The following SCD5 variants were observed in gnomAD, a reference collection of about 807,000 sequenced individuals.
SCD5 encodes stearoyl-CoA desaturase 5, also known as acyl-CoA-desaturase 4.
SCD5 carries 20 observed loss-of-function variants against 30.4 expected under a neutral mutation model. The ratio of observed to expected loss-of-function variants is 0.66; its 90% CI spans 0.46 to 0.96. The LOEUF is 0.96. Among genes scored for constraint, SCD5 ranks in the 40% least tolerant of loss-of-function variants. The probability of loss-of-function intolerance (pLI) is 0.00; values close to 1 mark genes in which losing one functional copy is unlikely to be tolerated. For missense variants in SCD5, 381 were observed against 443.3 expected (o/e 0.86, Z 1.26); for synonymous variants, 173 against 176.4 (o/e 0.98, Z 0.16).
rs1275360720 is a variant in SCD5, at chr4:82,790,700, G to A, written c.232+7606C>T. Among the ~76,000 whole-genome samples, 9 of 152,162 alleles carry A rather than the reference G, an allele frequency of 5.9e-5. 1 individual carries two copies. Among genetic ancestry groups the A allele is most frequent in the African/African-American group, 2.4e-5 (1 of 41,430 alleles). On this transcript the variant is annotated intron_variant, in intron 1 of 4. Transcript: ENST00000319540. Reference sequence around the variant, plus strand: ...CAATGAAGTCAAGGATGGTGCCAGCGCTTGGCAGGTAATGAGTAAGTAATA... The same window carrying A: ...CAATGAAGTCAAGGATGGTGCCAGCACTTGGCAGGTAATGAGTAAGTAATA...
In SCD5 at chr4:82,638,579, C is replaced by T. The variant is rs532031144; in HGVS notation, c.570-1756G>A. ...GGGGTGCCACATGGGATATTAGCTC[C>T]CCCACACTTCCAGGTCTGCTTGGGT... On this transcript the variant is annotated intron_variant, in intron 3 of 4. Transcript: ENST00000319540. 2.0e-5 allele frequency among the ~76,000 whole-genome samples: 3 copies of T among 152,148 alleles called. No individual in the cohort carries two copies. In the East Asian group the frequency reaches 5.8e-4, roughly 29 times the overall value.
At chr4:82,763,132 G>A (rs138822966) in intron 1 of SCD5, among the ~76,000 whole-genome samples, 4 of 152,310 alleles carry the variant, frequency 2.6e-5, no homozygotes, top group Admixed American at 1.3e-4. Context: ...GGGCTGAACC[G>A]TGTTCCCACC....
chr4:82,774,088 CA>C (rs61709785), intron 1 of SCD5, among the ~76,000 whole-genome samples: 16,277 of 91,380 alleles, frequency 0.18, 929 homozygotes, highest in Middle Eastern at 0.28. Context: ...GACTCCATCT[CA>C]AAAAAAAAAA....
rs1727635742 is a variant in SCD5 at position 82,646,447 on chromosome 4, G to C, written c.570-9624C>G. On this transcript the variant is annotated intron_variant, in intron 3 of 4. Transcript: ENST00000319540. ...AGGCCCATTTTGGGGTAGCTCTGTG[G>C]AGTGTCGCCGAAAATCTTCCAAACT... 2.0e-5 allele frequency among the ~76,000 whole-genome samples: 3 copies of C among 152,186 alleles called. No individual in the cohort carries two copies. The South Asian group carries it at 6.2e-4, about 32-fold the overall frequency.
intron 1 of SCD5, among the ~76,000 whole-genome samples, chr4:82,708,991 C>A (rs1040720681): frequency 6.6e-6 from 1 of 152,146 alleles, no homozygotes; most frequent in African/African-American, 2.4e-5. Flanking sequence ...TTAATACTCA[C>A]CACAAGTGTA....
At chr4:82,734,841 T>C (rs1003701586) in intron 1 of SCD5, among the ~76,000 whole-genome samples, 11 of 149,688 alleles carry the variant, frequency 7.3e-5, no homozygotes, top group African/African-American at 2.7e-4. Context: ...CTCGGCTCAC[T>C]GCAACCTCTG....
At chr4:82,648,653 C>A (rs1727680563) in intron 3 of SCD5, among the ~76,000 whole-genome samples, 1 of 152,120 alleles carries the variant, frequency 6.6e-6, no homozygotes, top group South Asian at 2.1e-4. Context: ...TTTGCTGGCC[C>A]ATCCCTTAAT....
chr4:82,699,570 G>GT (rs59887380), intron 2 of SCD5, among the ~76,000 whole-genome samples: 29 of 141,162 alleles, frequency 2.1e-4, no homozygotes, highest in Non-Finnish European at 3.7e-4. Context: ...TTTGTTTTTT[G>GT]TTTTTTTTTT....
chr4:82,718,939 C>T (rs1720293873), intron 1 of SCD5, among the ~76,000 whole-genome samples: 1 of 151,576 alleles, frequency 6.6e-6, no homozygotes, highest in Admixed American at 6.6e-5. Context: ...TTCATTCATT[C>T]CTTCTCAAGC....
At chr4:82,641,957 G>C (rs530860690) in intron 3 of SCD5, among the ~76,000 whole-genome samples, 56 of 152,144 alleles carry the variant, frequency 3.7e-4, no homozygotes, top group African/African-American at 1.3e-3. Context: ...TCTTGGACAC[G>C]GTAAGAGGGA....
chr4:82,749,234 T>G (rs979784866), intron 1 of SCD5, among the ~76,000 whole-genome samples: 7 of 152,130 alleles, frequency 4.6e-5, no homozygotes, highest in Non-Finnish European at 1.0e-4. Flanking sequence ...AGGAGATATA[T>G]GGAGGGTGTA....
At chr4:82,738,186 C>T (rs995948415) in intron 1 of SCD5, among the ~76,000 whole-genome samples, 1 of 152,140 alleles carries the variant, frequency 6.6e-6, no homozygotes, top group Non-Finnish European at 1.5e-5. Context: ...TTTGGGAGGC[C>T]TAGGCGGGCG....
intron 3 of SCD5, among the ~76,000 whole-genome samples, chr4:82,638,274 C>G (rs963605701): frequency 6.6e-6 from 1 of 152,110 alleles, no homozygotes; most frequent in Non-Finnish European, 1.5e-5. Flanking sequence ...GCCCCGCCCC[C>G]TGCCCTGCCC....
chr4:82,690,743 T>G (rs1728815202), intron 2 of SCD5, among the ~76,000 whole-genome samples: 1 of 152,226 alleles, frequency 6.6e-6, no homozygotes, highest in Non-Finnish European at 1.5e-5. Context: ...ACAGGTTTCT[T>G]TGACTGGACT....
At chr4:82,645,317 A>G (rs1727616463) in intron 3 of SCD5, among the ~76,000 whole-genome samples, 1 of 151,510 alleles carries the variant, frequency 6.6e-6, no homozygotes, top group Admixed American at 6.6e-5. Flanking sequence ...GTCTCAAGAA[A>G]AAAAAAAAAG....
At chr4:82,785,816 G>A (rs1224964873) in intron 1 of SCD5, among the ~76,000 whole-genome samples, 6 of 152,118 alleles carry the variant, frequency 3.9e-5, no homozygotes, top group Non-Finnish European at 7.3e-5. Context: ...GAGATATGTA[G>A]GCATTATTCA....
chr4:82,792,441 G>A (rs1004727376), intron 1 of SCD5, among the ~76,000 whole-genome samples: 2 of 151,954 alleles, frequency 1.3e-5, no homozygotes, highest in African/African-American at 2.4e-5. Context: ...CAGGCACCGT[G>A]GCTCATGCCT....
chr4:82,758,908 A>T (rs1238229298), intron 1 of SCD5, among the ~76,000 whole-genome samples: 1 of 152,146 alleles, frequency 6.6e-6, no homozygotes, highest in Non-Finnish European at 1.5e-5. Context: ...CGAAACAACA[A>T]GCACATCCCC....
chr4:82,776,083 C>A, intron 1 of SCD5: 1 of 165,830 alleles, frequency 6.0e-6, no homozygotes, highest in Non-Finnish European at 1.3e-5. Flanking sequence ...GCCCCACAAC[C>A]TCCACCAAAG....
Sources: gnomAD v4.1 joint callset for allele counts (sites outside exome capture counted in the v4.1 genomes callset) on GRCh38, gnomAD v4.1.1 for gene constraint, MANE v1.5 for transcripts, NCBI Gene and HGNC (gene_info 2026-07-23, HGNC 2026-07-21) for gene names.